The following PCDHGA3 variants were observed in gnomAD, a reference collection of about 807,000 sequenced individuals.
PCDHGA3 encodes the protein protocadherin gamma subfamily A, 3.
Under a neutral mutation model 58.5 loss-of-function variants are expected in PCDHGA3, and 40 were observed. The ratio of observed to expected loss-of-function variants is 0.68; its 90% CI spans 0.53 to 0.89. The LOEUF is 0.89. Among genes scored for constraint, PCDHGA3 ranks in the 40% least tolerant of loss-of-function variants. PCDHGA3 has a pLI of 0.00. For synonymous variants in PCDHGA3, 530 were observed against 525.7 expected, an observed-to-expected ratio of 1.01 and a Z score of -0.11; for missense variants, 1,223 against 1,195.9, an observed-to-expected ratio of 1.02 and a Z score of -0.33.
At chr5:141,507,611 A>G (rs2099862056) in intron 3 of PCDHGA3, among the ~76,000 whole-genome samples, 1 of 152,258 alleles carries the variant, frequency 6.6e-6, no homozygotes, top group South Asian at 2.1e-4. Flanking sequence ...AAACAGGTAT[A>G]TTTAGCTGTT....
In PCDHGA3 at chr5:141,434,786, T is replaced by A. The variant is rs867453805; in HGVS notation, c.2425-60021T>A. ...TTCACACTTCTAAAAAAAAAAAAAT[T>A]TTTTTTTCTGAGCTTGGAGAAATAT... On this transcript the variant is annotated intron_variant, in intron 1 of 3. Coordinates refer to ENST00000253812, the MANE Select transcript of PCDHGA3 (RefSeq NM_018916.4). 6.8e-4 allele frequency among the ~76,000 whole-genome samples: 102 copies of A among 150,682 alleles called. 1 individual carries two copies. The highest frequency in any genetic ancestry group is 1.8e-3 in the African/African-American group (72 of 40,898).
intron 1 of PCDHGA3, chr5:141,395,489 A>T: frequency 4.2e-6 from 2 of 480,562 alleles, no homozygotes; most frequent in Non-Finnish European, 3.6e-6. Flanking sequence ...TCCTATTATC[A>T]CTCATTCACT....
Position 141,491,260 on chromosome 5 carries a change from A to G in PCDHGA3, c.2425-3547A>G. On this transcript the variant is annotated intron_variant, in intron 1 of 3. Coordinates refer to ENST00000253812, the MANE Select transcript of PCDHGA3 (RefSeq NM_018916.4). This position sits in a 1 kb window ranked among gnomAD's most constrained non-coding sequence, Gnocchi z 6.9. ...TCTGGAGGATGAGGACCCTGAGGAA[A>G]TGCCCAAATCCAGTGACTTCCTCAT... 6.2e-7 allele frequency: 1 copy of G among 1,614,108 alleles called. No individual in the cohort carries two copies. The highest frequency in any genetic ancestry group is 1.7e-5 in the Admixed American group (1 of 60,028).
chr5:141,389,463 G>C (rs1201903320), intron 1 of PCDHGA3: 1 of 1,613,192 alleles, frequency 6.2e-7, no homozygotes, highest in African/African-American at 1.3e-5. Context: ...GCGCGCCTTC[G>C]AACTCACACT....
intron 1 of PCDHGA3, among the ~76,000 whole-genome samples, chr5:141,430,398 C>T (rs2097281985): frequency 6.7e-6 from 1 of 150,224 alleles, no homozygotes. Flanking sequence ...AAAAAAAAAG[C>T]TCACTAAAGT....
At position 141,477,019 on chromosome 5, in the gene PCDHGA3, C is replaced by T. The variant is rs148675327; in HGVS notation, c.2425-17788C>T. 1.9e-5 allele frequency: 30 copies of T among 1,614,242 alleles called. No individual in the cohort carries two copies. Among genetic ancestry groups the T allele is most frequent in the Non-Finnish European group, 2.5e-5 (30 of 1,180,048 alleles). On this transcript the variant is annotated intron_variant, in intron 1 of 3. Transcript: ENST00000253812. This position sits in a 1 kb window ranked among gnomAD's most constrained non-coding sequence, Gnocchi z 4.9. ...AACTATTCGCCTTAGACCTTGTAAC[C>T]GGGATGCTGACAATCAAGGGTCGGC...
At chr5:141,402,096 A>G (rs1343417374) in intron 1 of PCDHGA3, among the ~76,000 whole-genome samples, 2 of 152,226 alleles carry the variant, frequency 1.3e-5, no homozygotes, top group Non-Finnish European at 2.9e-5. Context: ...GAAAAGTTTA[A>G]GCAATTACAA....
At chr5:141,364,372 G>A in intron 1 of PCDHGA3, 1 of 1,572,570 alleles carries the variant, frequency 6.4e-7, no homozygotes, top group African/African-American at 1.4e-5. Flanking sequence ...GAGAGCTGCT[G>A]CTGCCCTTCA....
Position 141,345,329 on chromosome 5 carries a change from G to C in PCDHGA3, c.1296G>C (p.Leu432=), listed in dbSNP as rs7730183. The change falls in exon 1 of 4, where the codon CTG becomes CTC. Residue 432 remains leucine, a synonymous_variant. Coordinates refer to ENST00000253812, the MANE Select transcript of PCDHGA3 (RefSeq NM_018916.4). ...CCTCAGATGGGGGAAGCCCGCCACTGTCCACAGAAACTCACATCACCCTGC... is the reference window on the plus strand; with the variant it reads ...CCTCAGATGGGGGAAGCCCGCCACTCTCCACAGAAACTCACATCACCCTGC... The part of the protein sequence containing the change: ...LRASDGGSPP[L]STETHITLHV... 2,674 of 1,613,988 alleles carry C rather than the reference G, an allele frequency of 1.7e-3. 41 individuals carry two copies. In the African/African-American group the frequency reaches 0.032, roughly 19 times the overall value.
rs57426385 is a variant in PCDHGA3 at position 141,415,740 on chromosome 5, G to GTTT, written c.2424+69313_2424+69315dup. ...TGAGTAGAATTTGATGTTTATTAAG[G>GTTT]TTTTTTTTTTTTTTTTTTTTTTTTT... On this transcript the variant is annotated intron_variant, in intron 1 of 3. Transcript: ENST00000253812. 6,178 of 620,014 alleles carry GTTT rather than the reference G, an allele frequency of 1.0e-2. 42 individuals are homozygous for GTTT. Among genetic ancestry groups the GTTT allele is most frequent in the South Asian group, 0.019 (660 of 34,340 alleles). The allele number at this position is 620,014 out of a possible 1,614,324, so 38.4% of individuals were successfully genotyped here. A position where few individuals can be genotyped will look rare whatever the true frequency, so the allele number is the denominator to read the frequency against.
intron 1 of PCDHGA3, chr5:141,441,697 C>T: frequency 6.5e-6 from 2 of 307,306 alleles, no homozygotes; most frequent in Non-Finnish European, 1.3e-5. Flanking sequence ...CAGCCGCGAG[C>T]CTTCAAGCTC....
At chr5:141,412,195 C>T (rs1326751515) in intron 1 of PCDHGA3, 2 of 152,208 alleles carry the variant, frequency 1.3e-5, no homozygotes, top group African/African-American at 4.8e-5. Context: ...CTGATGAAAA[C>T]AGGTCATTTG....
In PCDHGA3 at chr5:141,391,891, A is replaced by C. The variant is rs140956361; in HGVS notation, c.2424+45434A>C. 7.1e-4 allele frequency: 108 copies of C among 152,338 alleles called. No individual in the cohort carries two copies. In the East Asian group the frequency reaches 0.015, roughly 21 times the overall value. 9.4% of individuals were successfully genotyped at this position (152,338 alleles called of 1,614,324 possible). On this transcript the variant is annotated intron_variant, in intron 1 of 3. Coordinates refer to ENST00000253812, the MANE Select transcript of PCDHGA3 (RefSeq NM_018916.4). ...TCATCTCTTTGGTGAAAGGGATGGG[A>C]TGGAGCTTTGCTTTTTATCATATAT... is the stretch of plus-strand genomic sequence containing the variant.
At chr5:141,423,006 T>G (rs746057587) in intron 1 of PCDHGA3, 12 of 1,614,078 alleles carry the variant, frequency 7.4e-6, no homozygotes, top group African/African-American at 1.3e-5. Context: ...CCAAGGTGGT[T>G]GCGGTGGACA....
At chr5:141,419,644 C>T (rs867285747) in intron 1 of PCDHGA3, 1 of 1,612,514 alleles carries the variant, frequency 6.2e-7, no homozygotes, top group Middle Eastern at 1.7e-4. Context: ...TGGCCGTGGA[C>T]GCGGACTCGG....
At chr5:141,395,424 T>C in intron 1 of PCDHGA3, 2 of 735,384 alleles carry the variant, frequency 2.7e-6, no homozygotes, top group Middle Eastern at 7.8e-4. Flanking sequence ...TTTCATTTGC[T>C]TTTAAACGAC....
rs755499740 is a variant in PCDHGA3 at position 141,389,751 on chromosome 5, G to C, written c.2424+43294G>C. 1.9e-6 allele frequency: 3 copies of C among 1,612,800 alleles called. No individual in the cohort carries two copies. The highest frequency in any genetic ancestry group is 1.1e-5 in the South Asian group (1 of 91,032). ...CTTCAGCCTGGGGCTGCGCACGGGC[G>C]AAGTGCGCACAGCGCGTGCCTTAGG... On this transcript the variant is annotated intron_variant, in intron 1 of 3. Coordinates refer to ENST00000253812, the MANE Select transcript of PCDHGA3 (RefSeq NM_018916.4).
intron 1 of PCDHGA3, chr5:141,350,802 A>G: frequency 1.2e-6 from 2 of 1,614,024 alleles, no homozygotes; most frequent in Non-Finnish European, 1.7e-6. Flanking sequence ...TCAACGAAGG[A>G]AAGTCCTGAT....
intron 1 of PCDHGA3, among the ~76,000 whole-genome samples, chr5:141,454,881 C>G (rs2098805859): frequency 7.4e-6 from 1 of 135,536 alleles, no homozygotes; most frequent in African/African-American, 2.8e-5. Flanking sequence ...GATCTTGGCT[C>G]ACTGCTAGCA....
Sources: allele counts gnomAD v4.1 joint callset (sites outside exome capture counted in the v4.1 genomes callset), GRCh38; gene constraint gnomAD v4.1.1; non-coding constraint Gnocchi (gnomAD v3.1); transcripts MANE v1.5; gene names NCBI Gene and HGNC (gene_info 2026-07-23, HGNC 2026-07-21).